HNRNPA1L2: variants seen among roughly 807,000 people sequenced by gnomAD.
The protein encoded by HNRNPA1L2 is heterogeneous nuclear ribonucleoprotein A1-like 2.
Under a neutral mutation model 18.2 loss-of-function variants are expected in HNRNPA1L2, and 10 were observed. That is an observed-to-expected ratio of 0.55 (90% CI 0.34 to 0.93). The LOEUF (loss-of-function observed/expected upper bound fraction) is 0.93. HNRNPA1L2 is among the 40% of genes least tolerant of loss of function. The pLI is 0.02. For synonymous variants in HNRNPA1L2, 124 were observed against 138.6 expected, an observed-to-expected ratio of 0.89 and a Z score of 0.74; for missense variants, 308 against 394.4, an observed-to-expected ratio of 0.78 and a Z score of 1.85.
upstream of HNRNPA1L2, among the ~76,000 whole-genome samples, chr13:52,640,431 A>T (rs1293887796): frequency 6.6e-6 from 1 of 152,202 alleles, no homozygotes; most frequent in Non-Finnish European, 1.5e-5. Flanking sequence ...CCTGCTCCAG[A>T]CCTAATGAAT....
chr13:52,625,212 T>G, the HNRNPA1L2 span, among the ~76,000 whole-genome samples: 1 of 151,958 alleles, frequency 6.6e-6, no homozygotes, highest in Admixed American at 6.6e-5. Flanking sequence ...CCTTCTAGGT[T>G]GAAGCGATTC....
chr13:52,627,949 G>A, the HNRNPA1L2 span, among the ~76,000 whole-genome samples: 2 of 151,868 alleles, frequency 1.3e-5, no homozygotes, highest in Admixed American at 1.3e-4. Context: ...CAATCTTCAG[G>A]TCTGTTTCCT....
the HNRNPA1L2 span, among the ~76,000 whole-genome samples, chr13:52,636,272 CT>C: frequency 7.9e-5 from 12 of 152,182 alleles, no homozygotes; most frequent in African/African-American, 2.9e-4. Flanking sequence ...CATGTATTAT[CT>C]CTTGGGTAAA....
chr13:52,629,466 C>T, the HNRNPA1L2 span: 1 of 169,860 alleles, frequency 5.9e-6, no homozygotes, highest in African/African-American at 2.4e-5. Flanking sequence ...GATATGTGAG[C>T]ATTATGAATG....
chr13:52,626,510 A>G, the HNRNPA1L2 span, among the ~76,000 whole-genome samples: 6 of 151,844 alleles, frequency 4.0e-5, no homozygotes. Context: ...AACTTGCTCT[A>G]ATTTATTTAG....
the HNRNPA1L2 span, among the ~76,000 whole-genome samples, chr13:52,620,313 CTG>C: frequency 7.9e-5 from 12 of 152,166 alleles, no homozygotes; most frequent in African/African-American, 2.9e-4. Flanking sequence ...TCTTAGGAAT[CTG>C]TGTTTTAAGT....
the HNRNPA1L2 span, among the ~76,000 whole-genome samples, chr13:52,632,761 G>C: frequency 2.0e-5 from 3 of 152,338 alleles, no homozygotes; most frequent in Admixed American, 6.5e-5. Flanking sequence ...TTTCTGGGCA[G>C]CTCTAGAGTC....
chr13:52,636,402 C>T, the HNRNPA1L2 span, among the ~76,000 whole-genome samples: 5 of 152,186 alleles, frequency 3.3e-5, no homozygotes, highest in South Asian at 2.1e-4. Flanking sequence ...AGTAACTGGT[C>T]GGAATATGGC....
the HNRNPA1L2 span, among the ~76,000 whole-genome samples, chr13:52,624,562 G>T: frequency 1.3e-5 from 2 of 152,200 alleles, no homozygotes; most frequent in Non-Finnish European, 2.9e-5. Flanking sequence ...TGATAGGAAT[G>T]GAGTAATATA....
chr13:52,623,782 A>G, the HNRNPA1L2 span, among the ~76,000 whole-genome samples: 1 of 152,112 alleles, frequency 6.6e-6, no homozygotes, highest in Non-Finnish European at 1.5e-5. Flanking sequence ...TACCTCCCAA[A>G]CTTAGTGGCA....
the HNRNPA1L2 span, among the ~76,000 whole-genome samples, chr13:52,633,069 T>C: frequency 6.6e-5 from 10 of 152,202 alleles, no homozygotes; most frequent in Non-Finnish European, 1.3e-4. Flanking sequence ...TTCTGTGAGA[T>C]AATGGGAGGT....
the HNRNPA1L2 span, chr13:52,617,601 C>T: frequency 2.1e-6 from 1 of 471,346 alleles, no homozygotes; most frequent in African/African-American, 2.0e-5. Context: ...CGCACCCTTT[C>T]CTGCCACCCT....
chr13:52,619,947 T>C, the HNRNPA1L2 span, among the ~76,000 whole-genome samples: 1 of 135,644 alleles, frequency 7.4e-6, no homozygotes, highest in South Asian at 2.4e-4. Flanking sequence ...AAAAAAAGAA[T>C]AATAATTATT....
chr13:52,627,406 C>G, the HNRNPA1L2 span: 1 of 197,046 alleles, frequency 5.1e-6, no homozygotes. Context: ...TCTCTTTTTT[C>G]TTTCTCATTT....
At chr13:52,623,761 C>A in the HNRNPA1L2 span, among the ~76,000 whole-genome samples, 1 of 152,130 alleles carries the variant, frequency 6.6e-6, no homozygotes, top group Non-Finnish European at 1.5e-5. Flanking sequence ...ATATGGTTAC[C>A]ATAGTTACAC....
chr13:52,622,667 A>T, the HNRNPA1L2 span, among the ~76,000 whole-genome samples: 24 of 147,682 alleles, frequency 1.6e-4, no homozygotes, highest in Admixed American at 4.6e-4. Context: ...CATTTAAAAA[A>T]TTTTTTCTGG....
chr13:52,617,999 G>T, the HNRNPA1L2 span, among the ~76,000 whole-genome samples: 4 of 152,190 alleles, frequency 2.6e-5, no homozygotes, highest in African/African-American at 7.2e-5. Context: ...CAAGATTTAT[G>T]TGATAGTCTC....
the HNRNPA1L2 span, among the ~76,000 whole-genome samples, chr13:52,624,055 G>A: frequency 6.6e-6 from 1 of 152,202 alleles, no homozygotes; most frequent in Non-Finnish European, 1.5e-5. Flanking sequence ...CCGCATGGTG[G>A]CTGGGTTCCA....
the HNRNPA1L2 span, among the ~76,000 whole-genome samples, chr13:52,628,003 A>G: frequency 4.6e-5 from 7 of 151,684 alleles, no homozygotes; most frequent in African/African-American, 9.7e-5. Flanking sequence ...ACATCTTTCC[A>G]CTTACTCTCT....
Sources: allele counts gnomAD v4.1 joint callset (sites outside exome capture counted in the v4.1 genomes callset), GRCh38; gene constraint gnomAD v4.1.1; transcripts MANE v1.5; gene names NCBI Gene and HGNC (gene_info 2026-07-23, HGNC 2026-07-21).